UXS1: variants seen among roughly 807,000 people sequenced by gnomAD.
UXS1 encodes UDP-glucuronic acid decarboxylase 1.
Under a neutral mutation model 62.6 loss-of-function variants are expected in UXS1, and 33 were observed. The ratio of observed to expected loss-of-function variants is 0.53; its 90% CI spans 0.40 to 0.70. The LOEUF (loss-of-function observed/expected upper bound fraction) is 0.70. UXS1 is among the 30% of genes least tolerant of loss of function. UXS1 has a pLI of 0.00. For missense variants in UXS1, 434 were observed against 556.3 expected, an observed-to-expected ratio of 0.78 and a Z score of 2.21; for synonymous variants, 213 against 206.8, an observed-to-expected ratio of 1.03 and a Z score of -0.26.
At chr2:106,119,346 T>C (rs1679332373) in intron 9 of UXS1, among the ~76,000 whole-genome samples, 1 of 152,166 alleles carries the variant, frequency 6.6e-6, no homozygotes, top group African/African-American at 2.4e-5. Context: ...GGTAGCCAGC[T>C]GAAGGTTCCA....
chr2:106,183,962 T>G (rs931378295), intron 1 of UXS1, among the ~76,000 whole-genome samples: 3 of 151,962 alleles, frequency 2.0e-5, no homozygotes, highest in Non-Finnish European at 4.4e-5. Context: ...GAGGCCGAGG[T>G]GGGTGGATCA....
rs1468064469 is a variant in UXS1, at chr2:106,162,584, T to C, written c.230+1083A>G. Among the ~76,000 whole-genome samples the C allele has an allele frequency of 5.9e-5, 9 of 152,230 alleles. No homozygotes were observed. In the East Asian group the frequency reaches 1.7e-3, roughly 29 times the overall value. ...TTAAGATCTCTCAATTCTGCTGTCT[T>C]ATCAAAGGCAGATTTTCTGGCTCCC... is the stretch of plus-strand genomic sequence containing the variant. On this transcript the variant is annotated intron_variant, in intron 4 of 14. Coordinates refer to ENST00000283148, the MANE Select transcript of UXS1 (RefSeq NM_001253875.2).
At chr2:106,183,317 T>TA (rs1490734197) in intron 1 of UXS1, 2 of 151,784 alleles carry the variant, frequency 1.3e-5, no homozygotes, top group Non-Finnish European at 2.9e-5. Context: ...CCAGCAGGCT[T>TA]TGCTTTCAAT....
chr2:106,153,537 A>C (rs549500125), intron 5 of UXS1, among the ~76,000 whole-genome samples: 3 of 152,286 alleles, frequency 2.0e-5, no homozygotes, highest in African/African-American at 4.8e-5. Flanking sequence ...TAAACAAATA[A>C]ATAAATAAAT....
At chr2:106,177,174 C>T (rs1324679731) in intron 1 of UXS1, among the ~76,000 whole-genome samples, 2 of 149,910 alleles carry the variant, frequency 1.3e-5, no homozygotes, top group Middle Eastern at 3.4e-3. Context: ...CTTTTTAAAG[C>T]TACATGCATT....
At chr2:106,165,594 G>A (rs1683164037) in intron 2 of UXS1, among the ~76,000 whole-genome samples, 4 of 152,022 alleles carry the variant, frequency 2.6e-5, no homozygotes, top group Admixed American at 2.0e-4. Flanking sequence ...CTATGAAGAA[G>A]CACACACGAT....
intron 6 of UXS1, among the ~76,000 whole-genome samples, chr2:106,141,605 A>T (rs1356208927): frequency 6.6e-6 from 1 of 151,690 alleles, no homozygotes; most frequent in Non-Finnish European, 1.5e-5. Flanking sequence ...CCACAGGTGC[A>T]TGCCACCATG....
intron 7 of UXS1, among the ~76,000 whole-genome samples, chr2:106,126,064 G>A (rs574247793): frequency 6.6e-6 from 1 of 152,276 alleles, no homozygotes; most frequent in East Asian, 1.9e-4. Context: ...ACAATGGTCA[G>A]CTTGCCACTT....
chr2:106,173,487 G>A (rs1419955383), intron 1 of UXS1, among the ~76,000 whole-genome samples: 1 of 152,084 alleles, frequency 6.6e-6, no homozygotes, highest in Non-Finnish European at 1.5e-5. Context: ...CCAGGAGGTT[G>A]AGGCTGCAGT....
chr2:106,174,349 G>A (rs939537860), intron 1 of UXS1, among the ~76,000 whole-genome samples: 10 of 152,194 alleles, frequency 6.6e-5, no homozygotes, highest in African/African-American at 1.4e-4. Flanking sequence ...TGGAAGCAGC[G>A]GTGTGAGAGA....
intron 14 of UXS1, among the ~76,000 whole-genome samples, chr2:106,095,666 A>C (rs1480740457): frequency 6.6e-6 from 1 of 152,154 alleles, no homozygotes; most frequent in Non-Finnish European, 1.5e-5. Context: ...GCTACACTAC[A>C]CGCCTCTGCC....
intron 9 of UXS1, among the ~76,000 whole-genome samples, chr2:106,122,194 T>A (rs1011691105): frequency 6.6e-6 from 1 of 152,232 alleles, no homozygotes; most frequent in African/African-American, 2.4e-5. Context: ...TTTACCTGCA[T>A]GTCCCACTAT....
At chr2:106,104,322 C>A (rs1677866174) in intron 11 of UXS1, among the ~76,000 whole-genome samples, 2 of 152,112 alleles carry the variant, frequency 1.3e-5, no homozygotes, top group African/African-American at 2.4e-5. Flanking sequence ...TGAATCTATT[C>A]AAAAAATATA....
intron 9 of UXS1, among the ~76,000 whole-genome samples, chr2:106,115,602 G>C (rs1678998535): frequency 1.3e-5 from 2 of 152,182 alleles, no homozygotes; most frequent in Non-Finnish European, 2.9e-5. Context: ...TGGAAACTTA[G>C]GATGGATGCT....
At chr2:106,186,321 T>C (rs1177897784) in intron 1 of UXS1, among the ~76,000 whole-genome samples, 1 of 152,180 alleles carries the variant, frequency 6.6e-6, no homozygotes, top group Non-Finnish European at 1.5e-5. Context: ...AGACACTACA[T>C]GTTCCCAACG....
chr2:106,128,532 G>C (rs1238138644), intron 7 of UXS1, among the ~76,000 whole-genome samples: 2 of 152,174 alleles, frequency 1.3e-5, no homozygotes, highest in Non-Finnish European at 2.9e-5. Flanking sequence ...GGCTTGACTA[G>C]AACACAAAGA....
At chr2:106,157,922 G>T in intron 5 of UXS1, 136 bp downstream of exon 5, 1 of 762,480 alleles carries the variant, frequency 1.3e-6, no homozygotes, top group Non-Finnish European at 2.1e-6. Flanking sequence ...AGAATGCGGT[G>T]CTAACTCTGT....
chr2:106,173,635 C>T (rs1683699307), intron 1 of UXS1, among the ~76,000 whole-genome samples: 1 of 152,180 alleles, frequency 6.6e-6, no homozygotes, highest in Non-Finnish European at 1.5e-5. Context: ...CATCTCTGTC[C>T]CAGCTATTCA....
In UXS1 at chr2:106,190,465, G is replaced by C. The variant is rs147540383; in HGVS notation, c.94+3683C>G. 9.2e-3 allele frequency among the ~76,000 whole-genome samples: 1,404 copies of C among 152,290 alleles called. 61 individuals are homozygous for C. The highest frequency in any genetic ancestry group is 0.074 in the Admixed American group (1,135 of 15,298). On this transcript the variant is annotated intron_variant, in intron 1 of 14. Transcript: ENST00000283148. ...ACTAAAAGAAGTGAAATGCCTAGGG[G>C]TTGGGTGCGGTGGCTCACGCCTGCA...
Sources: gnomAD v4.1 joint callset for allele counts (sites outside exome capture counted in the v4.1 genomes callset) on GRCh38, gnomAD v4.1.1 for gene constraint, MANE v1.5 for transcripts, NCBI Gene and HGNC (gene_info 2026-07-23, HGNC 2026-07-21) for gene names.